The following TNIP3 variants were observed in gnomAD, a reference collection of about 807,000 sequenced individuals.
TNIP3 encodes the protein TNFAIP3 interacting protein 3.
In TNIP3, 34 loss-of-function variants were observed where a neutral mutation model predicts 54.1. The observed-to-expected ratio is 0.63, with a 90% CI of 0.48 to 0.84. The LOEUF (loss-of-function observed/expected upper bound fraction) is 0.84. Among genes scored for constraint, TNIP3 ranks in the 40% least tolerant of loss-of-function variants. TNIP3 has a pLI of 0.00. For missense variants in TNIP3, 366 were observed against 387.6 expected, an observed-to-expected ratio of 0.94 and a Z score of 0.47; for synonymous variants, 134 against 136.8, an observed-to-expected ratio of 0.98 and a Z score of 0.14.
chr4:121,207,041 A>C (rs768785857), intron 2 of TNIP3, among the ~76,000 whole-genome samples: 1 of 152,232 alleles, frequency 6.6e-6, no homozygotes, highest in Non-Finnish European at 1.5e-5. Context: ...CAGGTAGACG[A>C]AAATGTTTTC....
chr4:121,191,223 T>C (rs952127885), intron 2 of TNIP3, among the ~76,000 whole-genome samples: 2 of 152,224 alleles, frequency 1.3e-5, no homozygotes, highest in Non-Finnish European at 2.9e-5. Context: ...TAGGAAACAT[T>C]GGCTCCTAAT....
At position 121,182,081 on chromosome 4, in the gene TNIP3, T is replaced by C. The variant is rs1724747980; in HGVS notation, c.189+595A>G. On this transcript the variant is annotated intron_variant, in intron 3 of 12. Coordinates refer to the TNIP3 transcript ENST00000507879. ...AGAATCATGAAAGATAGTTTTTAAT[T>C]GGGAGGATTACAGAGTTTAAGAGTT... is the stretch of plus-strand genomic sequence containing the variant. Among the ~76,000 whole-genome samples the C allele has an allele frequency of 2.0e-5, 3 of 152,120 alleles. No homozygotes were observed. The South Asian group carries it at 6.2e-4, about 31-fold the overall frequency.
chr4:121,191,643 C>A, intron 2 of TNIP3, among the ~76,000 whole-genome samples: 1 of 152,146 alleles, frequency 6.6e-6, no homozygotes, highest in Non-Finnish European at 1.5e-5. Flanking sequence ...GGTACAGTTC[C>A]AAGTTGTGAC....
At chr4:121,135,530 T>C (rs899123770) in intron 10 of TNIP3, among the ~76,000 whole-genome samples, 1 of 152,176 alleles carries the variant, frequency 6.6e-6, no homozygotes, top group African/African-American at 2.4e-5. Context: ...CCCAAGTAGC[T>C]GGGACTACAG....
chr4:121,185,227 C>A (rs994977534), intron 2 of TNIP3, among the ~76,000 whole-genome samples: 1 of 152,206 alleles, frequency 6.6e-6, no homozygotes, highest in Non-Finnish European at 1.5e-5. Context: ...TTCTTCCAGA[C>A]ACGTTTGCAT....
At chr4:121,207,146 T>G (rs977780683) in intron 2 of TNIP3, among the ~76,000 whole-genome samples, 4 of 152,182 alleles carry the variant, frequency 2.6e-5, no homozygotes, top group African/African-American at 9.7e-5. Flanking sequence ...TTGCTGTTTA[T>G]TTGTTGCTGT....
chr4:121,165,600 T>A (rs982855855), upstream of TNIP3, among the ~76,000 whole-genome samples: 14 of 152,096 alleles, frequency 9.2e-5, no homozygotes, highest in African/African-American at 3.4e-4. Flanking sequence ...TTTTGCTACA[T>A]GAATAAATGA....
At chr4:121,227,228 A>T (rs539342088) in intron 1 of TNIP3, among the ~76,000 whole-genome samples, 2 of 152,298 alleles carry the variant, frequency 1.3e-5, no homozygotes, top group African/African-American at 4.8e-5. Context: ...AACACATAAA[A>T]CCTTATCTTA....
intron 2 of TNIP3, among the ~76,000 whole-genome samples, chr4:121,193,883 A>G (rs1725431081): frequency 6.6e-6 from 1 of 152,190 alleles, no homozygotes; most frequent in African/African-American, 2.4e-5. Flanking sequence ...ATTAGCCAAA[A>G]GAAAATTGAG....
Position 121,164,302 on chromosome 4 carries a change from G to A in TNIP3, c.-177C>T, listed in dbSNP as rs779734738. 4.5e-5 allele frequency: 64 copies of A among 1,423,994 alleles called. No homozygotes were observed. The highest frequency in any genetic ancestry group is 2.2e-4 in the Middle Eastern group (1 of 4,636). 88.2% of individuals were successfully genotyped at this position (1,423,994 alleles called of 1,614,324 possible). A position where few individuals can be genotyped will look rare whatever the true frequency, so the allele number is the denominator to read the frequency against. ...ATTAAAAATGAACAGAAGTGACTGTGGATAGGAATTACACAGAATAAAGTT... is the reference window on the plus strand; with the variant it reads ...ATTAAAAATGAACAGAAGTGACTGTAGATAGGAATTACACAGAATAAAGTT... On this transcript the variant is annotated 5_prime_UTR_variant, in exon 1 of 11. Coordinates refer to ENST00000057513, the MANE Select transcript of TNIP3 (RefSeq NM_024873.6).
chr4:121,222,071 A>G (rs1727048799), intron 1 of TNIP3, among the ~76,000 whole-genome samples: 1 of 152,220 alleles, frequency 6.6e-6, no homozygotes, highest in African/African-American at 2.4e-5. Flanking sequence ...ATTGTACATT[A>G]TAGTAGCTAA....
At chr4:121,194,069 G>C (rs1304132677) in intron 2 of TNIP3, among the ~76,000 whole-genome samples, 1 of 152,080 alleles carries the variant, frequency 6.6e-6, no homozygotes. Flanking sequence ...GGGATAATTG[G>C]CAAAACCTGA....
chr4:121,211,530 A>G (rs1726478456), intron 2 of TNIP3, among the ~76,000 whole-genome samples: 1 of 152,188 alleles, frequency 6.6e-6, no homozygotes, highest in Non-Finnish European at 1.5e-5. Flanking sequence ...TAGTCTCTTC[A>G]TTTCCCCCAT....
At chr4:121,200,222 G>A (rs1169314092) in intron 2 of TNIP3, among the ~76,000 whole-genome samples, 1 of 151,942 alleles carries the variant, frequency 6.6e-6, no homozygotes, top group Non-Finnish European at 1.5e-5. Context: ...CCACCCCTGA[G>A]AATGCTGAAC....
chr4:121,141,772 CA>C, intron 9 of TNIP3, 43 bp downstream of exon 9: 3 of 1,297,056 alleles, frequency 2.3e-6, no homozygotes, highest in Non-Finnish European at 3.1e-6. Context: ...TAATTTCTAC[CA>C]AAACAGTATA....
At chr4:121,154,998 T>C (rs1729999792) in intron 4 of TNIP3, among the ~76,000 whole-genome samples, 1 of 151,536 alleles carries the variant, frequency 6.6e-6, no homozygotes, top group Non-Finnish European at 1.5e-5. Flanking sequence ...ATTCTCACAC[T>C]GTCTCCCGGC....
chr4:121,197,769 C>T (rs1380286714), intron 2 of TNIP3, among the ~76,000 whole-genome samples: 1 of 152,018 alleles, frequency 6.6e-6, no homozygotes, highest in Non-Finnish European at 1.5e-5. Context: ...AATACATTAG[C>T]CACCATGAAA....
At chr4:121,165,237 C>T (rs1730691412), upstream of TNIP3, among the ~76,000 whole-genome samples, 1 of 151,688 alleles carries the variant, frequency 6.6e-6, no homozygotes, top group Non-Finnish European at 1.5e-5. Flanking sequence ...ATTTGGCCCT[C>T]CCATTTCTCC....
Position 121,150,234 on chromosome 4 carries a change from A to G in TNIP3, c.493-15T>C. 2.0e-6 allele frequency: 3 copies of G among 1,499,364 alleles called. No individual in the cohort carries two copies. Among genetic ancestry groups the G allele is most frequent in the Non-Finnish European group, 2.8e-6 (3 of 1,078,020 alleles). 92.9% of individuals were successfully genotyped at this position (1,499,364 alleles called of 1,614,324 possible). A position where few individuals can be genotyped will look rare whatever the true frequency, so the allele number is the denominator to read the frequency against. On this transcript the variant is annotated splice_polypyrimidine_tract_variant and intron_variant, in intron 5 of 10. Coordinates refer to ENST00000057513, the MANE Select transcript of TNIP3 (RefSeq NM_024873.6). ...TCCTGAAGAGCCTACGTAATAAGAT[A>G]AGTACACTGTTGATCTAAGATTTAC...
Sources: allele counts gnomAD v4.1 joint callset (sites outside exome capture counted in the v4.1 genomes callset), GRCh38; gene constraint gnomAD v4.1.1; transcripts MANE v1.5; gene names NCBI Gene and HGNC (gene_info 2026-07-23, HGNC 2026-07-21).